DNAAF10: variants seen among roughly 807,000 people sequenced by gnomAD.
The protein encoded by DNAAF10 is WD repeat domain 92.
Under a neutral mutation model 43.7 loss-of-function variants are expected in DNAAF10, and 28 were observed. That is an observed-to-expected ratio of 0.64 (90% CI 0.48 to 0.88). The LOEUF is 0.88. DNAAF10 is among the 40% of genes least tolerant of loss of function. The pLI is 0.00. For synonymous variants in DNAAF10, 156 were observed against 157.3 expected (o/e 0.99, Z 0.06); for missense variants, 403 against 439.1 (o/e 0.92, Z 0.73).
intron 6 of DNAAF10, 130 bp downstream of exon 6, chr2:68,137,169 T>G: frequency 9.6e-7 from 1 of 1,046,394 alleles, no homozygotes; most frequent in Non-Finnish European, 1.3e-6. Flanking sequence ...TGTCAAGATC[T>G]CACAGGAATA....
rs13009282 is a variant in DNAAF10 at position 68,137,346 on chromosome 2, T to A, written c.721A>T (p.Met241Leu). 3 of 1,613,342 alleles carry A rather than the reference T, an allele frequency of 1.9e-6. No homozygotes were observed. ...SLEGKFHVFD[M>L]RTQHPTKGFA... ...CCTTTGGTTGGATGCTGTGTTCTCA[T>A]GTCAAAAACATGGAACTTTCCTTCC... The change falls in exon 6 of 8, where the codon ATG (methionine) becomes TTG (leucine). Residue 241 changes from methionine (M) to leucine (L), a missense_variant. Met to Leu is a conservative substitution (Grantham distance 15, BLOSUM62 2). Coordinates refer to ENST00000295121, the MANE Select transcript of DNAAF10 (RefSeq NM_138458.4).
intron 2 of DNAAF10, among the ~76,000 whole-genome samples, chr2:68,147,044 G>A (rs1354924572): frequency 6.6e-6 from 1 of 152,196 alleles, no homozygotes; most frequent in East Asian, 1.9e-4. Context: ...GTTGTGCTTA[G>A]ATGTTAAAGC....
intron 7 of DNAAF10, chr2:68,134,399 A>G: frequency 1.8e-6 from 2 of 1,113,208 alleles, no homozygotes; most frequent in South Asian, 5.2e-5. Context: ...AGAGGCAGTG[A>G]GTGTTCTAAT....
intron 7 of DNAAF10, chr2:68,134,225 T>C: frequency 1.0e-6 from 1 of 991,056 alleles, no homozygotes; most frequent in Non-Finnish European, 1.2e-6. Flanking sequence ...GAAAGTGGTG[T>C]GCATAGTAAA....
rs773431027 is a variant in DNAAF10 at position 68,134,827 on chromosome 2, G to A, written c.769-28C>T. ...AAATAGAACAAGAGGCATACAACTGGTTTATATGCTAAATGGTGCCCTGGA... is the reference window on the plus strand; with the variant it reads ...AAATAGAACAAGAGGCATACAACTGATTTATATGCTAAATGGTGCCCTGGA... On this transcript the variant is annotated intron_variant, in intron 6 of 7. Transcript: ENST00000295121. 10 of 1,611,798 alleles carry A rather than the reference G, an allele frequency of 6.2e-6. No individual in the cohort carries two copies. The South Asian group carries it at 1.1e-4, about 18-fold the overall frequency.
intron 7 of DNAAF10, 165 bp downstream of exon 7, chr2:68,134,537 T>G: frequency 6.8e-7 from 1 of 1,477,140 alleles, no homozygotes; most frequent in South Asian, 1.4e-5. Context: ...TAAAGTATAT[T>G]CATACAAAAT....
intron 4 of DNAAF10, among the ~76,000 whole-genome samples, chr2:68,140,687 A>G (rs1673155430): frequency 6.6e-6 from 1 of 152,106 alleles, no homozygotes; most frequent in African/African-American, 2.4e-5. Flanking sequence ...AAAAACTTAG[A>G]ACTATCTTCA....
At chr2:68,157,021 G>A in intron 1 of DNAAF10, 2 of 589,144 alleles carry the variant, frequency 3.4e-6, no homozygotes, top group South Asian at 2.1e-5. Context: ...CCTGGTGCCC[G>A]CTTTGGCTGG....
At chr2:68,138,717 CA>C (rs746758331) in intron 5 of DNAAF10, 24 bp downstream of exon 5, 1 of 1,555,022 alleles carries the variant, frequency 6.4e-7, no homozygotes, top group Non-Finnish European at 8.9e-7. Context: ...TCAGAGAAAC[CA>C]AAAAGCCTCA....
intron 1 of DNAAF10, among the ~76,000 whole-genome samples, chr2:68,148,791 C>T (rs1673387488): frequency 6.6e-6 from 1 of 152,186 alleles, no homozygotes; most frequent in Admixed American, 6.5e-5. Context: ...GTAATACCTG[C>T]TCCCTATAAA....
intron 7 of DNAAF10, 106 bp from the exon 8 acceptor site, chr2:68,131,551 TAATA>T: frequency 9.8e-7 from 1 of 1,021,880 alleles, no homozygotes. Context: ...TTACTGGGAC[TAATA>T]AATACTTAAA....
intron 1 of DNAAF10, among the ~76,000 whole-genome samples, chr2:68,150,106 C>T (rs1053901406): frequency 6.6e-6 from 1 of 152,134 alleles, no homozygotes; most frequent in East Asian, 1.9e-4. Flanking sequence ...TTCTGTGATT[C>T]CTAGGCCATG....
chr2:68,144,901 A>C (rs576633152), intron 2 of DNAAF10, among the ~76,000 whole-genome samples, 186 bp from the exon 3 acceptor site: 20 of 152,154 alleles, frequency 1.3e-4, no homozygotes, highest in Non-Finnish European at 1.0e-4. Context: ...TCAAGCCCCC[A>C]TTGAGAACTG....
chr2:68,131,387 C>G lies in DNAAF10; in HGVS notation c.925G>C (p.Gly309Arg). Residue 309 changes from glycine to arginine, a missense_variant, in exon 8 of 8, where the codon GGT (glycine) becomes CGT (arginine). By Grantham distance (125) the Gly-to-Arg change is moderately radical. Transcript: ENST00000295121. Reference protein sequence around the residue: ...DSEGIEMGVAGSVSLLQNVTL... With the variant: ...DSEGIEMGVARSVSLLQNVTL... Reference sequence around the variant, plus strand: ...ACATTCTGCAGAAGGCTTACAGAACCTGCGACTCCCATTTCTATTCCCTCA... The same window carrying G: ...ACATTCTGCAGAAGGCTTACAGAACGTGCGACTCCCATTTCTATTCCCTCA... 1 of 1,614,212 alleles carries G rather than the reference C, an allele frequency of 6.2e-7. No homozygotes were observed. Among genetic ancestry groups the G allele is most frequent in the East Asian group, 2.2e-5 (1 of 44,888 alleles).
chr2:68,150,075 C>A (rs1223958621), intron 1 of DNAAF10, among the ~76,000 whole-genome samples: 2 of 152,188 alleles, frequency 1.3e-5, no homozygotes, highest in African/African-American at 2.4e-5. Context: ...ACCGCTGTCC[C>A]CTCAAACCTC....
chr2:68,141,919 T>C lies in DNAAF10; in HGVS notation c.416-124A>G. 3 of 771,162 alleles carry C rather than the reference T, an allele frequency of 3.9e-6. No individual in the cohort carries two copies. The Admixed American group carries it at 6.7e-5, about 17-fold the overall frequency. 47.8% of individuals were successfully genotyped at this position (771,162 alleles called of 1,614,324 possible). A position where few individuals can be genotyped will look rare whatever the true frequency, so the allele number is the denominator to read the frequency against. ...TGACAGATGTTATGACATCTGAAAATATCCACATTGTTCTGACTTCTAATT... is the reference window on the plus strand; with the variant it reads ...TGACAGATGTTATGACATCTGAAAACATCCACATTGTTCTGACTTCTAATT... On this transcript the variant is annotated intron_variant, in intron 3 of 7. Transcript: ENST00000295121.
At chr2:68,156,407 T>C (rs920307597) in intron 1 of DNAAF10, among the ~76,000 whole-genome samples, 4 of 152,210 alleles carry the variant, frequency 2.6e-5, no homozygotes, top group African/African-American at 9.6e-5. Context: ...TAATGACTGA[T>C]CATTTTTTCA....
At chr2:68,137,265 C>T in intron 6 of DNAAF10, 34 bp downstream of exon 6, 1 of 1,592,646 alleles carries the variant, frequency 6.3e-7, no homozygotes, top group Non-Finnish European at 8.5e-7. Context: ...AGCTATCATT[C>T]TTCTTCATAG....
rs930316380 is a variant in DNAAF10, at chr2:68,144,575, A to C, written c.415+10T>G. The C allele has an allele frequency of 3.7e-6, 6 of 1,613,420 alleles. No homozygotes were observed. The highest frequency in any genetic ancestry group is 1.7e-5 in the Admixed American group (1 of 59,824). ...TAAATAAACAAAATACATAGAATAC[A>C]GGGACTCACCATCTCGGCTGCCAGT... On this transcript the variant is annotated intron_variant, in intron 3 of 7. Coordinates refer to ENST00000295121, the MANE Select transcript of DNAAF10 (RefSeq NM_138458.4).
Sources: allele counts gnomAD v4.1 joint callset (sites outside exome capture counted in the v4.1 genomes callset), GRCh38; gene constraint gnomAD v4.1.1; transcripts MANE v1.5; gene names NCBI Gene and HGNC (gene_info 2026-07-23, HGNC 2026-07-21).